KBTBD3: variants seen among roughly 807,000 people sequenced by gnomAD.
KBTBD3 encodes the protein kelch repeat and BTB domain containing 3, also known as kelch repeat and BTB domain-containing protein 3.
KBTBD3 carries 38 observed loss-of-function variants against 49.6 expected under a neutral mutation model. The ratio of observed to expected loss-of-function variants is 0.77; its 90% CI spans 0.59 to 1.00. KBTBD3 has a LOEUF of 1.00. KBTBD3 is among the 50% of genes least tolerant of loss of function. KBTBD3 has a pLI of 0.00. For missense variants in KBTBD3, 661 were observed against 712.0 expected, an observed-to-expected ratio of 0.93 and a Z score of 0.81; for synonymous variants, 214 against 250.4, an observed-to-expected ratio of 0.85 and a Z score of 1.37.
chr11:106,075,290 C>T (rs1565407469), intron 2 of KBTBD3, among the ~76,000 whole-genome samples: 1 of 152,114 alleles, frequency 6.6e-6, no homozygotes, highest in Non-Finnish European at 1.5e-5. Flanking sequence ...AAGTTATGAA[C>T]TGCATATTTA....
Position 106,058,753 on chromosome 11 carries a change from T to TTTTTTTTTTTTTTTTTTTTTTTA in KBTBD3, c.233+111_233+112insTAAAAAAAAAAAAAAAAAAAAAA, listed in dbSNP as rs1375718068. ...TAGGTTTTGTTTTTGTTTTTTTTTT[T>TTTTTTTTTTTTTTTTTTTTTTTA]AGAATTAAAAATTACTGTTGCATGT... On this transcript the variant is annotated intron_variant, in intron 3 of 3. Coordinates refer to ENST00000531837, the MANE Select transcript of KBTBD3 (RefSeq NM_198439.3). 4 of 698,996 alleles carry TTTTTTTTTTTTTTTTTTTTTTTA rather than the reference T, an allele frequency of 5.7e-6. No homozygotes were observed. In the African/African-American group the frequency reaches 5.8e-5, roughly 10 times the overall value. The allele number at this position is 698,996 out of a possible 1,614,324, so 43.3% of individuals were successfully genotyped here. A position where few individuals can be genotyped will look rare whatever the true frequency, so the allele number is the denominator to read the frequency against.
chr11:106,064,623 A>G (rs545225346), intron 2 of KBTBD3, among the ~76,000 whole-genome samples: 8 of 152,314 alleles, frequency 5.3e-5, no homozygotes, highest in African/African-American at 1.7e-4. Flanking sequence ...AGATAAACAG[A>G]CAATATGATT....
chr11:106,063,949 C>G (rs1466294550), intron 2 of KBTBD3, among the ~76,000 whole-genome samples: 1 of 151,968 alleles, frequency 6.6e-6, no homozygotes, highest in Non-Finnish European at 1.5e-5. Context: ...CGTAATTTAG[C>G]ATATAATGTG....
chr11:106,059,110 C>A lies in KBTBD3; in HGVS notation c.-12-1G>T. 1 of 1,506,918 alleles carries A rather than the reference C, an allele frequency of 6.6e-7. No homozygotes were observed. The highest frequency in any genetic ancestry group is 2.5e-5 in the Admixed American group (1 of 40,340). The allele number at this position is 1,506,918 out of a possible 1,614,324, so 93.3% of individuals were successfully genotyped here. On this transcript the variant is annotated splice_acceptor_variant, in intron 2 of 3. Coordinates refer to ENST00000531837, the MANE Select transcript of KBTBD3 (RefSeq NM_198439.3). LOFTEE classifies it low-confidence loss of function (5UTR_SPLICE). ...TAGCCAATTCCATATGTCCTTAGAACTAGAATAAAAACAAAATCACCGATG... is the reference window on the plus strand; with the variant it reads ...TAGCCAATTCCATATGTCCTTAGAAATAGAATAAAAACAAAATCACCGATG...
intron 2 of KBTBD3, among the ~76,000 whole-genome samples, chr11:106,069,745 T>C (rs1048385868): frequency 6.6e-6 from 1 of 152,032 alleles, no homozygotes; most frequent in Non-Finnish European, 1.5e-5. Flanking sequence ...CAATTTTTTG[T>C]ATATACAGAT....
Position 106,054,209 on chromosome 11 carries a change from T to C in KBTBD3, c.480A>G (p.Ile160Met). Residue 160 changes from isoleucine (I) to methionine (M), a missense_variant, in exon 4 of 4, where the codon ATA becomes ATG. Transcript: ENST00000531837. ...NLVNCLQLLS[I>M]SDSYGSTSLF... ...AACTGGTGGAGCCATAGCTATCTGA[T>C]ATAGATAATAACTGTAAACAATTGA... 6.2e-7 allele frequency: 1 copy of C among 1,612,742 alleles called. No homozygotes were observed. The highest frequency in any genetic ancestry group is 1.7e-5 in the Admixed American group (1 of 59,822).
chr11:106,073,467 T>C (rs1860964506), intron 2 of KBTBD3, among the ~76,000 whole-genome samples: 2 of 152,086 alleles, frequency 1.3e-5, no homozygotes, highest in African/African-American at 2.4e-5. Flanking sequence ...AAGGAGATAC[T>C]TATCTTCATT....
chr11:106,053,189 T>C lies in KBTBD3; in HGVS notation c.1500A>G (p.Thr500=), dbSNP rs751585553. ...VAEFGQFFHA[T]LIKAVPVNCT... is the part of the protein sequence containing the mutation. ...AGTTTACTGGTACAGCTTTAATTAA[T>C]GTTGCATGAAAAAATTGCCCAAACT... The change falls in exon 4 of 4, where the codon ACA becomes ACG. Residue 500 remains threonine (T), a synonymous_variant. Coordinates refer to ENST00000531837, the MANE Select transcript of KBTBD3 (RefSeq NM_198439.3). The C allele has an allele frequency of 6.2e-6, 10 of 1,613,646 alleles. No homozygotes were observed. Among genetic ancestry groups the C allele is most frequent in the Middle Eastern group, 1.6e-4 (1 of 6,062 alleles).
intron 2 of KBTBD3, among the ~76,000 whole-genome samples, chr11:106,061,816 T>C (rs1275450405): frequency 1.3e-5 from 2 of 152,054 alleles, no homozygotes; most frequent in African/African-American, 4.8e-5. Flanking sequence ...TATACAAGTA[T>C]ATAGTAAAAA....
intron 2 of KBTBD3, among the ~76,000 whole-genome samples, chr11:106,063,876 A>G (rs560389523): frequency 6.6e-6 from 1 of 152,256 alleles, no homozygotes; most frequent in South Asian, 2.1e-4. Flanking sequence ...GGTTGCAGTA[A>G]GCCGAGATCC....
At chr11:106,057,073 C>A (rs1246596197) in intron 3 of KBTBD3, among the ~76,000 whole-genome samples, 1 of 152,116 alleles carries the variant, frequency 6.6e-6, no homozygotes, top group South Asian at 2.1e-4. Context: ...GCCTCCATGG[C>A]CCCAGTAAAC....
chr11:106,066,317 C>A (rs11826859), intron 2 of KBTBD3, among the ~76,000 whole-genome samples: 12,431 of 152,162 alleles, frequency 0.082, 541 homozygotes, highest in Middle Eastern at 0.15. Context: ...AATGAAGGTA[C>A]CGGGATTTAT....
intron 2 of KBTBD3, among the ~76,000 whole-genome samples, chr11:106,073,086 G>A (rs1860950347): frequency 6.6e-6 from 1 of 151,808 alleles, no homozygotes; most frequent in African/African-American, 2.4e-5. Flanking sequence ...GCCATGCTTT[G>A]TACTATATTT....
intron 2 of KBTBD3, among the ~76,000 whole-genome samples, chr11:106,074,020 T>C (rs1860975715): frequency 6.6e-6 from 1 of 152,032 alleles, no homozygotes; most frequent in Non-Finnish European, 1.5e-5. Flanking sequence ...GTAACAAATA[T>C]TGTGGCAGGT....
At chr11:106,067,749 CAG>C (rs1860836136) in intron 2 of KBTBD3, among the ~76,000 whole-genome samples, 1 of 151,308 alleles carries the variant, frequency 6.6e-6, no homozygotes, top group African/African-American at 2.4e-5. Flanking sequence ...AAACAGAAAA[CAG>C]AAAATAAATT....
chr11:106,054,513 C>T lies in KBTBD3; in HGVS notation c.234-58G>A, dbSNP rs1860514726. ...GAATATTTTATTCCATAATTATTTT[C>T]AATATTACCTTAAAGAGGTTTCCTT... is the stretch of plus-strand genomic sequence containing the variant. On this transcript the variant is annotated intron_variant, in intron 3 of 3. Coordinates refer to ENST00000531837, the MANE Select transcript of KBTBD3 (RefSeq NM_198439.3). 3.0e-6 allele frequency: 4 copies of T among 1,329,822 alleles called. No homozygotes were observed. In the South Asian group the frequency reaches 8.2e-5, roughly 27 times the overall value. The allele number at this position is 1,329,822 out of a possible 1,614,324, so 82.4% of individuals were successfully genotyped here. A position where few individuals can be genotyped will look rare whatever the true frequency, so the allele number is the denominator to read the frequency against.
intron 2 of KBTBD3, among the ~76,000 whole-genome samples, chr11:106,069,157 C>T (rs112193861): frequency 6.6e-6 from 1 of 152,106 alleles, no homozygotes; most frequent in African/African-American, 2.4e-5. Context: ...GCAAGGATGT[C>T]CACCCTTACC....
chr11:106,064,357 C>A (rs1860762732), intron 2 of KBTBD3, among the ~76,000 whole-genome samples: 1 of 151,634 alleles, frequency 6.6e-6, no homozygotes, highest in Non-Finnish European at 1.5e-5. Context: ...ACTAGCCTGG[C>A]CAAAATGGTG....
intron 2 of KBTBD3, among the ~76,000 whole-genome samples, chr11:106,064,543 C>CTAAATAAATAAA (rs71041645): frequency 0.23 from 34,751 of 148,468 alleles, 5,898 homozygotes; most frequent in African/African-American, 0.47. Context: ...GGCTCTGTTT[C>CTAAATAAATAAA]TAAATAAATA....
Sources: allele counts gnomAD v4.1 joint callset (sites outside exome capture counted in the v4.1 genomes callset), GRCh38; gene constraint gnomAD v4.1.1; transcripts MANE v1.5; gene names NCBI Gene and HGNC (gene_info 2026-07-23, HGNC 2026-07-21).